IFT122: variants seen among roughly 807,000 people sequenced by gnomAD.
IFT122 encodes the protein intraflagellar transport protein 122 homolog.
IFT122 carries 118 observed loss-of-function variants against 161.6 expected under a neutral mutation model. That is an observed-to-expected ratio of 0.73 (90% CI 0.63 to 0.85). The LOEUF (loss-of-function observed/expected upper bound fraction) is 0.85. Ranked by LOEUF, IFT122 falls within the 40% of genes least tolerant of loss-of-function variation. The pLI, the probability that IFT122 is intolerant of heterozygous loss-of-function variation, is 0.00. For synonymous variants in IFT122, 550 were observed against 602.4 expected (o/e 0.91, Z 1.27); for missense variants, 1,381 against 1,579.6 (o/e 0.87, Z 2.13).
At chr3:129,471,891 G>A (rs1394124587) in intron 9 of IFT122, among the ~76,000 whole-genome samples, 4 of 152,008 alleles carry the variant, frequency 2.6e-5, no homozygotes, top group Non-Finnish European at 5.9e-5. Context: ...TGAATTCCAG[G>A]CATTATATAA....
intron 1 of IFT122, among the ~76,000 whole-genome samples, chr3:129,441,651 A>T (rs928324025): frequency 6.6e-6 from 1 of 152,170 alleles, no homozygotes; most frequent in Admixed American, 6.5e-5. Flanking sequence ...AAATGTCTGC[A>T]GGAGACAGGC....
intron 20 of IFT122, 57 bp downstream of exon 20, chr3:129,502,939 CG>C (rs2081753614): frequency 1.3e-6 from 2 of 1,562,226 alleles, no homozygotes; most frequent in Non-Finnish European, 8.7e-7. Flanking sequence ...GGGACACAGG[CG>C]GGTGGGTACA....
chr3:129,496,513 C>A (rs547949366), intron 18 of IFT122, among the ~76,000 whole-genome samples: 1 of 152,286 alleles, frequency 6.6e-6, no homozygotes, highest in African/African-American at 2.4e-5. Flanking sequence ...AATGGTAGTT[C>A]TCCAGCTCAC....
chr3:129,492,996 T>C (rs2080340047), intron 17 of IFT122, among the ~76,000 whole-genome samples: 1 of 151,862 alleles, frequency 6.6e-6, no homozygotes, highest in Non-Finnish European at 1.5e-5. Flanking sequence ...TTTTTGTATA[T>C]TTTTTAGAGC....
chr3:129,447,965 TG>T (rs141073434), intron 1 of IFT122, among the ~76,000 whole-genome samples: 3 of 152,102 alleles, frequency 2.0e-5, no homozygotes, highest in Non-Finnish European at 4.4e-5. Flanking sequence ...TTCAGACGGT[TG>T]GGGGGGCTTA....
chr3:129,440,419 G>C, intron 1 of IFT122, 48 bp downstream of exon 1: 5 of 1,544,978 alleles, frequency 3.2e-6, no homozygotes, highest in Non-Finnish European at 4.4e-6. Flanking sequence ...AGTCCTCGCG[G>C]GGAGTGCGCG....
intron 24 of IFT122, 56 bp downstream of exon 24, chr3:129,512,468 A>C (rs2082949843): frequency 8.2e-7 from 1 of 1,226,636 alleles, no homozygotes; most frequent in Non-Finnish European, 1.2e-6. Context: ...TAATGGCCCC[A>C]AGAAATTCCT....
At chr3:129,454,195 G>A (rs916656840) in intron 3 of IFT122, among the ~76,000 whole-genome samples, 1 of 152,102 alleles carries the variant, frequency 6.6e-6, no homozygotes, top group Admixed American at 6.5e-5. Context: ...GATTAGTCCA[G>A]TCTCTTCACT....
In IFT122 at chr3:129,502,902, C is replaced by A. The variant is rs367977884; in HGVS notation, c.2547+20C>A. On this transcript the variant is annotated intron_variant, in intron 20 of 29. Coordinates refer to ENST00000348417, the MANE Select transcript of IFT122 (RefSeq NM_052989.3). ...GATGAGGTGAGGGGAAAGCAGGCCTCATGGGCTGGGGCCCCACCTGAGCCC... is the reference window on the plus strand; with the variant it reads ...GATGAGGTGAGGGGAAAGCAGGCCTAATGGGCTGGGGCCCCACCTGAGCCC... The A allele has an allele frequency of 6.2e-6, 10 of 1,605,370 alleles. No homozygotes were observed. The African/African-American group carries it at 1.1e-4, about 17-fold the overall frequency.
At chr3:129,461,190 G>T (rs568008750) in intron 4 of IFT122, 38 bp from the exon 5 acceptor site, 1 of 1,515,588 alleles carries the variant, frequency 6.6e-7, no homozygotes, top group African/African-American at 1.4e-5. Context: ...AATCTTTGTG[G>T]TTTGCTGCAT....
Position 129,466,920 on chromosome 3 carries a change from G to C in IFT122, c.594G>C (p.Glu198Asp). ...SRWESFWMNR[E>D]NEDAEDVIVN... ...GGGAGAGTTTCTGGATGAACAGAGA[G>C]AATGAGGATGCCGAGGATGTCATTG... is the stretch of plus-strand genomic sequence containing the variant. Residue 198 changes from glutamate to aspartate, a missense_variant, in exon 8 of 30, where the codon GAG becomes GAC. Glu to Asp is a conservative substitution (Grantham distance 45). Transcript: ENST00000348417. 6.2e-7 allele frequency: 1 copy of C among 1,614,230 alleles called. No individual in the cohort carries two copies. The highest frequency in any genetic ancestry group is 8.5e-7 in the Non-Finnish European group (1 of 1,180,022).
At chr3:129,517,689 G>A in intron 27 of IFT122, 95 bp downstream of exon 27, 3 of 1,500,590 alleles carry the variant, frequency 2.0e-6, no homozygotes, top group Non-Finnish European at 2.8e-6. Context: ...GGGGATCGCG[G>A]GCCATGCTGA....
chr3:129,489,357 G>T (rs1007789817), intron 16 of IFT122, among the ~76,000 whole-genome samples: 3 of 152,232 alleles, frequency 2.0e-5, no homozygotes, highest in African/African-American at 7.2e-5. Context: ...TGAAATGGGG[G>T]TGGTGAGAAT....
chr3:129,489,584 A>C (rs1210867961), intron 16 of IFT122, among the ~76,000 whole-genome samples: 1 of 152,074 alleles, frequency 6.6e-6, no homozygotes, highest in Non-Finnish European at 1.5e-5. Flanking sequence ...CACGCCTGTA[A>C]ATCCTAGCAC....
At chr3:129,467,097 C>G in intron 8 of IFT122, 31 bp downstream of exon 8, 2 of 1,601,658 alleles carry the variant, frequency 1.2e-6, no homozygotes, top group Non-Finnish European at 1.7e-6. Flanking sequence ...GGGAACCCTT[C>G]TGGTAAGGGC....
rs768416650 is a variant in IFT122 at position 129,476,504 on chromosome 3, G to A, written c.1006G>A (p.Val336Met). The change falls in exon 10 of 30, where the codon GTG (valine) becomes ATG (methionine). Residue 336 changes from valine (V) to methionine (M), a missense_variant and splice_region_variant. Transcript: ENST00000348417. The stretch of plus-strand genomic sequence containing the variant: ...TCAAGCGAAACCGGATTCCAACTAT[G>A]TGGTAAGAAGAGAAAGTTTGTTCTG... Reference protein sequence around the residue: ...TCQAKPDSNYVVVGCQDGTIS... With the variant: ...TCQAKPDSNYMVVGCQDGTIS... 6.2e-7 allele frequency: 1 copy of A among 1,614,182 alleles called. No homozygotes were observed. Among genetic ancestry groups the A allele is most frequent in the Non-Finnish European group, 8.5e-7 (1 of 1,180,044 alleles).
chr3:129,453,524 C>T lies in IFT122; in HGVS notation c.193+1526C>T, dbSNP rs374119180. On this transcript the variant is annotated intron_variant, in intron 3 of 29. Transcript: ENST00000348417. ...GGTGTGATTGTGTCTTTTTCTCCAG[C>T]GATTTTGAGCTGCATAGTTGTAGAG... Among the ~76,000 whole-genome samples the T allele has an allele frequency of 3.9e-5, 6 of 152,002 alleles. No individual in the cohort carries two copies. In the East Asian group the frequency reaches 1.2e-3, roughly 29 times the overall value.
chr3:129,515,413 G>A (rs900882175), intron 25 of IFT122, 75 bp from the exon 26 acceptor site: 11 of 1,209,066 alleles, frequency 9.1e-6, no homozygotes, highest in Non-Finnish European at 1.2e-5. Flanking sequence ...GGCCCCAGGG[G>A]CCTGAAGCCA....
intron 23 of IFT122, among the ~76,000 whole-genome samples, chr3:129,507,963 C>T (rs2082359056): frequency 6.6e-6 from 1 of 152,244 alleles, no homozygotes; most frequent in Admixed American, 6.5e-5. Flanking sequence ...GCAGTGGGCT[C>T]CTGAATTGTG....
Sources: gnomAD v4.1 joint callset for allele counts (sites outside exome capture counted in the v4.1 genomes callset) on GRCh38, gnomAD v4.1.1 for gene constraint, MANE v1.5 for transcripts, NCBI Gene and HGNC (gene_info 2026-07-23, HGNC 2026-07-21) for gene names.